VDAC1: variants seen among roughly 807,000 people sequenced by gnomAD.
VDAC1 encodes the protein non-selective voltage-gated ion channel VDAC1.
VDAC1 carries 10 observed loss-of-function variants against 34.7 expected under a neutral mutation model. The observed-to-expected ratio is 0.29, with a 90% CI of 0.18 to 0.49. The LOEUF (loss-of-function observed/expected upper bound fraction) is 0.49. Among genes scored for constraint, VDAC1 ranks in the 20% least tolerant of loss-of-function variants. The probability of loss-of-function intolerance (pLI) is 0.99; values close to 1 mark genes in which losing one functional copy is unlikely to be tolerated. For missense variants in VDAC1, 230 were observed against 347.9 expected, an observed-to-expected ratio of 0.66 and a Z score of 2.69; for synonymous variants, 130 against 136.0, an observed-to-expected ratio of 0.96 and a Z score of 0.30.
chr5:134,066,365 G>A, the VDAC1 span, among the ~76,000 whole-genome samples: 1 of 152,232 alleles, frequency 6.6e-6, no homozygotes, highest in African/African-American at 2.4e-5. Context: ...GTAGTAAGGT[G>A]TGAATGCAGC....
At chr5:134,060,641 G>A in the VDAC1 span, among the ~76,000 whole-genome samples, 1 of 151,682 alleles carries the variant, frequency 6.6e-6, no homozygotes, top group African/African-American at 2.4e-5. Context: ...TTGTAGGCTG[G>A]AAGACAAAGG....
intron 5 of VDAC1, chr5:133,989,138 T>TCGC (rs1753008092): frequency 6.6e-6 from 1 of 152,186 alleles, no homozygotes; most frequent in Non-Finnish European, 1.5e-5. Flanking sequence ...AGCCAAGCTA[T>TCGC]AAGACGACAT....
intron 2 of VDAC1, among the ~76,000 whole-genome samples, chr5:133,992,575 C>A (rs1753144732): frequency 6.6e-6 from 1 of 152,262 alleles, no homozygotes; most frequent in Non-Finnish European, 1.5e-5. Context: ...CCCACCTGCA[C>A]TCCCAGCAGG....
the VDAC1 span, among the ~76,000 whole-genome samples, chr5:134,065,252 G>A: frequency 6.7e-6 from 1 of 149,840 alleles, no homozygotes; most frequent in Non-Finnish European, 1.5e-5. Flanking sequence ...TTTTCTCTGT[G>A]GTTTCCTCTT....
the VDAC1 span, among the ~76,000 whole-genome samples, chr5:134,074,747 C>G: frequency 0.015 from 2,210 of 152,152 alleles, 39 homozygotes; most frequent in Non-Finnish European, 0.022. Context: ...AAAAAGAAAC[C>G]TGAAGAACAA....
chr5:134,102,009 C>G, the VDAC1 span, among the ~76,000 whole-genome samples: 1 of 152,242 alleles, frequency 6.6e-6, no homozygotes, highest in Admixed American at 6.5e-5. Context: ...GTGACTGGAA[C>G]GAGACTGCAT....
the VDAC1 span, among the ~76,000 whole-genome samples, chr5:134,047,253 G>A: frequency 1.3e-5 from 2 of 152,142 alleles, no homozygotes; most frequent in African/African-American, 4.8e-5. Flanking sequence ...GGGAGGGCAG[G>A]AACCCTGGTT....
chr5:134,047,096 C>A, the VDAC1 span, among the ~76,000 whole-genome samples: 1 of 152,132 alleles, frequency 6.6e-6, no homozygotes, highest in Admixed American at 6.5e-5. Flanking sequence ...ATGCCCTTGA[C>A]CTTTCTCCTG....
the VDAC1 span, among the ~76,000 whole-genome samples, chr5:134,102,758 T>C: frequency 6.6e-6 from 1 of 151,546 alleles, no homozygotes; most frequent in African/African-American, 2.4e-5. Context: ...GTGCTCTGGG[T>C]TTTCTGGTTT....
the VDAC1 span, among the ~76,000 whole-genome samples, chr5:134,105,150 C>T: frequency 6.6e-6 from 1 of 152,186 alleles, no homozygotes; most frequent in African/African-American, 2.4e-5. Flanking sequence ...TGAGATGCCC[C>T]ACCTCCACCA....
the VDAC1 span, among the ~76,000 whole-genome samples, chr5:134,084,199 C>T: frequency 1.3e-5 from 2 of 152,088 alleles, no homozygotes; most frequent in South Asian, 2.1e-4. Flanking sequence ...TGAGAGGATC[C>T]CAAGAAAGGA....
the VDAC1 span, among the ~76,000 whole-genome samples, chr5:134,029,036 T>C: frequency 6.6e-6 from 1 of 152,010 alleles, no homozygotes; most frequent in Non-Finnish European, 1.5e-5. Context: ...AGCAGTAGGG[T>C]GACCAATCGT....
At chr5:134,005,999 G>T (rs1753740476), upstream of VDAC1, among the ~76,000 whole-genome samples, 1 of 152,176 alleles carries the variant, frequency 6.6e-6, no homozygotes, top group African/African-American at 2.4e-5. Flanking sequence ...TGGCTGCTGG[G>T]AAAAGGCGGC....
At chr5:134,087,041 GTGGGAATACTACAT>G in the VDAC1 span, among the ~76,000 whole-genome samples, 1 of 152,130 alleles carries the variant, frequency 6.6e-6, no homozygotes, top group Non-Finnish European at 1.5e-5. Flanking sequence ...GCGGCGTGCG[GTGGGAATACTACAT>G]TTTGGGCCTG....
the VDAC1 span, among the ~76,000 whole-genome samples, chr5:134,108,995 G>T: frequency 8.9e-3 from 1,350 of 152,314 alleles, 14 homozygotes; most frequent in South Asian, 0.016. Context: ...AAAACAGCCA[G>T]GAGGGTTTCT....
At chr5:133,982,229 C>T (rs1199455030) in intron 5 of VDAC1, among the ~76,000 whole-genome samples, 1 of 152,152 alleles carries the variant, frequency 6.6e-6, no homozygotes, top group Non-Finnish European at 1.5e-5. Flanking sequence ...TAATGACACT[C>T]GGGGCCAGGC....
chr5:134,034,830 A>C, the VDAC1 span, among the ~76,000 whole-genome samples: 2 of 151,984 alleles, frequency 1.3e-5, no homozygotes, highest in Non-Finnish European at 2.9e-5. Context: ...GAGCAAGGTT[A>C]AAATGAACCC....
At chr5:134,090,001 G>A in the VDAC1 span, among the ~76,000 whole-genome samples, 1 of 151,542 alleles carries the variant, frequency 6.6e-6, no homozygotes, top group Non-Finnish European at 1.5e-5. Context: ...CAAAAAAAAA[G>A]AAAGAAAGAA....
chr5:134,032,124 C>CAAAAAAAAAAAAAAAAAAA, the VDAC1 span, among the ~76,000 whole-genome samples: 52 of 36,126 alleles, frequency 1.4e-3, 10 homozygotes, highest in African/African-American at 5.4e-3. Flanking sequence ...CTCTGCCTCA[C>CAAAAAAAAAAAAAAAAAAA]AAAAAAAAAA....
Sources: allele counts gnomAD v4.1 joint callset (sites outside exome capture counted in the v4.1 genomes callset), GRCh38; gene constraint gnomAD v4.1.1; transcripts MANE v1.5; gene names NCBI Gene and HGNC (gene_info 2026-07-23, HGNC 2026-07-21).